Variants in KCNAB2 observed in about 807,000 individuals in gnomAD.
The protein encoded by KCNAB2 is potassium voltage-gated channel subfamily A regulatory beta subunit 2, also known as voltage-gated potassium channel subunit beta-2.
KCNAB2 carries 29 observed loss-of-function variants against 63.6 expected under a neutral mutation model. The ratio of observed to expected loss-of-function variants is 0.46; its 90% CI spans 0.34 to 0.62. The LOEUF (loss-of-function observed/expected upper bound fraction) is 0.62. Ranked by LOEUF, KCNAB2 falls within the 20% of genes least tolerant of loss-of-function variation. KCNAB2 has a pLI of 0.01. For synonymous variants in KCNAB2, 222 were observed against 224.2 expected, an observed-to-expected ratio of 0.99 and a Z score of 0.09; for missense variants, 359 against 563.9, an observed-to-expected ratio of 0.64 and a Z score of 3.68.
intron 2 of KCNAB2, among the ~76,000 whole-genome samples, chr1:6,065,049 G>T (rs1421278295): frequency 6.6e-6 from 1 of 152,206 alleles, no homozygotes; most frequent in Admixed American, 6.5e-5. Flanking sequence ...AGACGCAGTG[G>T]CTTCTTCACA....
chr1:6,009,356 G>A (rs1050299712), intron 1 of KCNAB2, among the ~76,000 whole-genome samples: 2 of 152,236 alleles, frequency 1.3e-5, no homozygotes, highest in Admixed American at 6.5e-5. Context: ...CCATAAGCAG[G>A]CTGGCTAACG....
At chr1:6,061,798 G>A (rs1349268862) in intron 2 of KCNAB2, among the ~76,000 whole-genome samples, 2 of 152,118 alleles carry the variant, frequency 1.3e-5, no homozygotes, top group Non-Finnish European at 2.9e-5. Context: ...ATTCCAAAAA[G>A]GATTGTAGGT....
chr1:6,053,735 T>A (rs1356125176), intron 2 of KCNAB2, among the ~76,000 whole-genome samples: 3 of 152,068 alleles, frequency 2.0e-5, no homozygotes, highest in Non-Finnish European at 2.9e-5. Context: ...TGGAGGATAG[T>A]TTAGTGGGTT....
intron 1 of KCNAB2, among the ~76,000 whole-genome samples, chr1:6,016,196 C>T (rs905612414): frequency 2.0e-5 from 3 of 152,138 alleles, no homozygotes; most frequent in South Asian, 2.1e-4. Context: ...GCTTTCAGAG[C>T]GAAGGAGGCT....
Position 6,035,271 on chromosome 1 carries a change from G to A in KCNAB2, c.-53+477G>A, listed in dbSNP as rs995248180. 2.6e-5 allele frequency among the ~76,000 whole-genome samples: 4 copies of A among 152,200 alleles called. No individual in the cohort carries two copies. In the East Asian group the frequency reaches 5.8e-4, roughly 22 times the overall value. ...CTCAGCGGGGGATGTGGCTAGAAAGGTTGTGGACCCACTGTTGAGATTGGA... is the reference window on the plus strand; with the variant it reads ...CTCAGCGGGGGATGTGGCTAGAAAGATTGTGGACCCACTGTTGAGATTGGA... On this transcript the variant is annotated intron_variant, in intron 1 of 15. Transcript: ENST00000164247. The surrounding 1 kb of genome is among the most constrained non-coding windows in gnomAD (Gnocchi z 5.0).
intron 1 of KCNAB2, among the ~76,000 whole-genome samples, chr1:6,009,196 G>A (rs1326384336): frequency 1.3e-5 from 2 of 152,204 alleles, no homozygotes; most frequent in African/African-American, 2.4e-5. Context: ...GCCCTCTGTA[G>A]GGGTGCTGGG....
intron 2 of KCNAB2, among the ~76,000 whole-genome samples, chr1:6,056,217 G>A (rs1661811159): frequency 6.6e-6 from 1 of 151,882 alleles, no homozygotes; most frequent in Admixed American, 6.6e-5. Flanking sequence ...GCTATTTTTT[G>A]TATTTTTAGT....
rs1663193359 is a variant in KCNAB2 at position 6,071,635 on chromosome 1, T to C, written c.219-1120T>C. On this transcript the variant is annotated intron_variant, in intron 2 of 15. Coordinates refer to ENST00000378083, the MANE Select transcript of KCNAB2 (RefSeq NM_001199862.2). This position sits in a 1 kb window ranked among gnomAD's most constrained non-coding sequence, Gnocchi z 8.5. Reference sequence around the variant, plus strand: ...ATGTCACGACAAGCAAGGCGCCTGCTGCGTAGGGCACCTGCCGCTTAGGAC... The same window carrying C: ...ATGTCACGACAAGCAAGGCGCCTGCCGCGTAGGGCACCTGCCGCTTAGGAC... Among the ~76,000 whole-genome samples, 1 of 152,150 alleles carries C rather than the reference T, an allele frequency of 6.6e-6. No individual in the cohort carries two copies. Among genetic ancestry groups the C allele is most frequent in the African/African-American group, 2.4e-5 (1 of 41,444 alleles).
chr1:6,035,166 C>T lies in KCNAB2; in HGVS notation c.-53+372C>T, dbSNP rs1455592722. Among the ~76,000 whole-genome samples, 2 of 151,980 alleles carry T rather than the reference C, an allele frequency of 1.3e-5. No individual in the cohort carries two copies. The highest frequency in any genetic ancestry group is 2.9e-5 in the Non-Finnish European group (2 of 68,002). On this transcript the variant is annotated intron_variant, in intron 1 of 15. Transcript: ENST00000164247. The surrounding 1 kb of genome is among the most constrained non-coding windows in gnomAD (Gnocchi z 5.0). ...GCCGGAGGAGGAGGAGTGCATGAAG[C>T]CCTGAGGTGGGAGTGAGTCTGTCTG...
chr1:6,072,687 C>T (rs368720110), intron 2 of KCNAB2, 68 bp from the exon 3 acceptor site: 41 of 1,541,246 alleles, frequency 2.7e-5, no homozygotes, highest in African/African-American at 2.2e-4. Context: ...CTGGCCCTGG[C>T]GGGAACTGAG....
chr1:6,050,983 G>A (rs114219623), intron 1 of KCNAB2, among the ~76,000 whole-genome samples: 2,465 of 152,352 alleles, frequency 0.016, 83 homozygotes, highest in African/African-American at 0.055. Context: ...CCTGGCATGC[G>A]GGGGTGAGGT....
intron 1 of KCNAB2, among the ~76,000 whole-genome samples, chr1:6,046,987 C>T (rs1660978254): frequency 1.3e-5 from 2 of 152,176 alleles, no homozygotes; most frequent in Non-Finnish European, 2.9e-5. Flanking sequence ...CGTGAATTCC[C>T]CTGGGCCCCT....
chr1:6,000,205 C>T (rs1657172284), intron 1 of KCNAB2, among the ~76,000 whole-genome samples: 1 of 152,174 alleles, frequency 6.6e-6, no homozygotes, highest in Admixed American at 6.5e-5. Flanking sequence ...TATTGCCTTT[C>T]CATGGAAATG....
At chr1:6,046,485 C>CA (rs1320301764) in intron 1 of KCNAB2, among the ~76,000 whole-genome samples, 6 of 152,226 alleles carry the variant, frequency 3.9e-5, no homozygotes, top group African/African-American at 1.4e-4. Context: ...CTGCCGGAGA[C>CA]ACGGGCGTCT....
chr1:6,072,112 G>A (rs1360359706), intron 2 of KCNAB2, among the ~76,000 whole-genome samples: 3 of 152,224 alleles, frequency 2.0e-5, no homozygotes, highest in Non-Finnish European at 4.4e-5. Context: ...GTGGGCAGGT[G>A]CCTCAGTGGC....
chr1:6,077,172 C>T (rs1022355953), intron 4 of KCNAB2, among the ~76,000 whole-genome samples: 50 of 150,076 alleles, frequency 3.3e-4, no homozygotes, highest in African/African-American at 1.1e-3. Flanking sequence ...GATGACAGAG[C>T]GACACTCCAT....
rs1232322561 is a variant in KCNAB2 at position 6,051,640 on chromosome 1, A to C, written c.104A>C (p.Gln35Pro). 66 of 1,534,308 alleles carry C rather than the reference A, an allele frequency of 4.3e-5. No homozygotes were observed. Among genetic ancestry groups the C allele is most frequent in the Non-Finnish European group, 3.5e-6 (4 of 1,146,692 alleles). Residue 35 changes from glutamine (Q) to proline (P), a missense_variant, in exon 2 of 16, where the codon CAG (glutamine) becomes CCG (proline). Gln to Pro is a moderately conservative substitution (Grantham distance 76). Transcript: ENST00000378083. ...PVRQTDTLEL[Q>P]RLREVRAAAQ... ...CGCCAGACGGACACGCTGGAACTGC[A>C]GCGGCTGCGGGAGGTGCGGGCGGCT...
upstream of KCNAB2, among the ~76,000 whole-genome samples, chr1:6,032,892 A>AT (rs925008834): frequency 6.6e-6 from 1 of 152,278 alleles, no homozygotes; most frequent in African/African-American, 2.4e-5. Flanking sequence ...GGTCAATGTC[A>AT]TAAAAAACAA....
At chr1:6,050,170 G>A (rs190077612) in intron 1 of KCNAB2, among the ~76,000 whole-genome samples, 35 of 152,296 alleles carry the variant, frequency 2.3e-4, no homozygotes, top group East Asian at 7.7e-4. Flanking sequence ...AGGGATAATC[G>A]AACTTTTCCT....
Sources: gnomAD v4.1 joint callset for allele counts (sites outside exome capture counted in the v4.1 genomes callset) on GRCh38, gnomAD v4.1.1 for gene constraint, Gnocchi (gnomAD v3.1) non-coding constraint, MANE v1.5 for transcripts, NCBI Gene and HGNC (gene_info 2026-07-23, HGNC 2026-07-21) for gene names.